Variants in FIGN observed in about 807,000 individuals in gnomAD.
The protein encoded by FIGN is fidgetin, microtubule severing factor, also known as fidgetin.
Under a neutral mutation model 51.3 loss-of-function variants are expected in FIGN, and 11 were observed. That is an observed-to-expected ratio of 0.21 (90% CI 0.13 to 0.35). FIGN has a LOEUF of 0.35. FIGN is among the 10% of genes least tolerant of loss of function. The pLI, the probability that FIGN is intolerant of heterozygous loss-of-function variation, is 1.00. For missense variants in FIGN, 857 were observed against 943.6 expected (o/e 0.91, Z 1.20); for synonymous variants, 407 against 363.2 (o/e 1.12, Z -1.37).
At chr2:163,644,138 G>T (rs1474828888) in intron 2 of FIGN, among the ~76,000 whole-genome samples, 2 of 151,778 alleles carry the variant, frequency 1.3e-5, no homozygotes, top group East Asian at 1.9e-4. Context: ...TCAAATGAAA[G>T]GTGGAAAGAC....
chr2:163,651,555 G>A (rs1683478198), intron 2 of FIGN, among the ~76,000 whole-genome samples: 1 of 152,204 alleles, frequency 6.6e-6, no homozygotes, highest in Non-Finnish European at 1.5e-5. Context: ...TTACAGAGCT[G>A]TGAGATTGTC....
intron 2 of FIGN, among the ~76,000 whole-genome samples, chr2:163,636,413 G>A (rs1306068933): frequency 1.3e-5 from 2 of 152,104 alleles, no homozygotes; most frequent in Admixed American, 1.3e-4. Context: ...AGCCTCCCGA[G>A]TAGCTGGTAT....
At chr2:163,701,453 G>C (rs1684405883) in intron 2 of FIGN, among the ~76,000 whole-genome samples, 1 of 152,288 alleles carries the variant, frequency 6.6e-6, no homozygotes, top group Middle Eastern at 3.4e-3. Context: ...AACTACCAAA[G>C]ATGAATGCCT....
At chr2:163,669,677 C>A (rs1045420960) in intron 2 of FIGN, among the ~76,000 whole-genome samples, 2 of 152,192 alleles carry the variant, frequency 1.3e-5, no homozygotes, top group South Asian at 2.1e-4. Flanking sequence ...ACAAATTCTA[C>A]GTCTTCAGTT....
intron 2 of FIGN, among the ~76,000 whole-genome samples, chr2:163,656,750 G>C (rs917626963): frequency 2.0e-5 from 3 of 152,174 alleles, no homozygotes; most frequent in Non-Finnish European, 2.9e-5. Context: ...CTATTTCAGA[G>C]GGTGGGAATG....
intron 2 of FIGN, among the ~76,000 whole-genome samples, chr2:163,648,655 C>T (rs1257231361): frequency 6.6e-6 from 1 of 152,134 alleles, no homozygotes; most frequent in Non-Finnish European, 1.5e-5. Context: ...TGTGAAAGGA[C>T]TAATGGCAAT....
At position 163,735,078 on chromosome 2, in the gene FIGN, T is replaced by A. The variant is rs1209422573; in HGVS notation, c.-145-6A>T. ...TCGTCAGGTATTCATTTAACCTACA[T>A]GCATATAATTAAGGGGGAAAGCAAC... is the stretch of plus-strand genomic sequence containing the variant. On this transcript the variant is annotated splice_region_variant and splice_polypyrimidine_tract_variant and intron_variant, in intron 1 of 2. Coordinates refer to ENST00000333129, the MANE Select transcript of FIGN (RefSeq NM_018086.4). 2 of 590,146 alleles carry A rather than the reference T, an allele frequency of 3.4e-6. No individual in the cohort carries two copies. Among genetic ancestry groups the A allele is most frequent in the African/African-American group, 3.9e-5 (2 of 51,580 alleles). 36.6% of individuals were successfully genotyped at this position (590,146 alleles called of 1,614,324 possible).
intron 2 of FIGN, among the ~76,000 whole-genome samples, chr2:163,727,933 C>T (rs1443390885): frequency 2.0e-5 from 3 of 152,120 alleles, no homozygotes; most frequent in African/African-American, 7.2e-5. Flanking sequence ...CAGCACAGAA[C>T]GTTGGTAAAG....
At chr2:163,676,183 CATA>C (rs1172826256) in intron 2 of FIGN, among the ~76,000 whole-genome samples, 1 of 151,452 alleles carries the variant, frequency 6.6e-6, no homozygotes, top group African/African-American at 2.4e-5. Context: ...AAATTCATTA[CATA>C]ATGTTTCTGA....
At chr2:163,662,163 G>A (rs1396540945) in intron 2 of FIGN, among the ~76,000 whole-genome samples, 1 of 152,150 alleles carries the variant, frequency 6.6e-6, no homozygotes. Context: ...TCCAGGCTGA[G>A]GTGGTCTCAG....
intron 2 of FIGN, among the ~76,000 whole-genome samples, chr2:163,709,301 T>C (rs1212751050): frequency 6.6e-6 from 1 of 152,126 alleles, no homozygotes; most frequent in Non-Finnish European, 1.5e-5. Flanking sequence ...TCCATGCCAG[T>C]TTTTTATGTA....
rs56195592 is a variant in FIGN at position 163,680,833 on chromosome 2, A to G, written c.25+54070T>C. 1.6e-3 allele frequency among the ~76,000 whole-genome samples: 241 copies of G among 152,022 alleles called. 1 individual carries two copies. Among genetic ancestry groups the G allele is most frequent in the African/African-American group, 5.6e-3 (232 of 41,464 alleles). Reference sequence around the variant, plus strand: ...CCTACATATATGTTCCCTTTTCATTAGATTCTGAGCTCCCTAACAGAAAGA... The same window carrying G: ...CCTACATATATGTTCCCTTTTCATTGGATTCTGAGCTCCCTAACAGAAAGA... On this transcript the variant is annotated intron_variant, in intron 2 of 2. Transcript: ENST00000333129.
Position 163,609,562 on chromosome 2 carries a change from C to T in FIGN, c.2270G>A (p.Cys757Tyr), listed in dbSNP as rs776699577. 6.2e-6 allele frequency: 10 copies of T among 1,605,802 alleles called. No homozygotes were observed. Among genetic ancestry groups the T allele is most frequent in the Non-Finnish European group, 8.5e-6 (10 of 1,174,674 alleles). ...TTTCTAAAGAAGTTATCACTGACTG[C>T]AACCAAACATTTTGTTCCATTCAAC... is the stretch of plus-strand genomic sequence containing the variant. ...MYVEWNKMFG[C>Y]SQ Residue 757 changes from cysteine (C) to tyrosine (Y), a missense_variant, in exon 3 of 3, where the codon TGC (cysteine) becomes TAC (tyrosine). Physicochemically the swap from Cys to Tyr is radical, Grantham distance 194 (BLOSUM62 -2). Coordinates refer to ENST00000333129, the MANE Select transcript of FIGN (RefSeq NM_018086.4).
chr2:163,697,058 A>G (rs1684331706), intron 2 of FIGN, among the ~76,000 whole-genome samples: 1 of 150,702 alleles, frequency 6.6e-6, no homozygotes, highest in Admixed American at 6.6e-5. Flanking sequence ...TCCCTGACAC[A>G]GCACTAAGCA....
At chr2:163,624,907 G>T (rs1683032123) in intron 2 of FIGN, among the ~76,000 whole-genome samples, 1 of 151,838 alleles carries the variant, frequency 6.6e-6, no homozygotes, top group Non-Finnish European at 1.5e-5. Flanking sequence ...TCCTAGCGCT[G>T]AATAGATTTT....
At chr2:163,670,125 A>C (rs1683852100) in intron 2 of FIGN, among the ~76,000 whole-genome samples, 1 of 152,218 alleles carries the variant, frequency 6.6e-6, no homozygotes, top group African/African-American at 2.4e-5. Context: ...AACTAGAGTG[A>C]TCTGCTTGGG....
At chr2:163,665,573 G>T (rs1248162905) in intron 2 of FIGN, among the ~76,000 whole-genome samples, 1 of 152,108 alleles carries the variant, frequency 6.6e-6, no homozygotes, top group Non-Finnish European at 1.5e-5. Context: ...TTTAGGGACA[G>T]ATCACACAAT....
intron 2 of FIGN, among the ~76,000 whole-genome samples, chr2:163,617,671 C>T (rs1358373411): frequency 1.3e-5 from 2 of 152,032 alleles, no homozygotes; most frequent in South Asian, 2.1e-4. Flanking sequence ...TTTTGTTTCA[C>T]GGTGAAAATT....
intron 2 of FIGN, among the ~76,000 whole-genome samples, chr2:163,718,843 G>A (rs925799338): frequency 6.6e-6 from 1 of 150,970 alleles, no homozygotes; most frequent in Admixed American, 6.6e-5. Context: ...GAGAGAGTGA[G>A]AGAGAGAGAG....
Sources: allele counts gnomAD v4.1 joint callset (sites outside exome capture counted in the v4.1 genomes callset), GRCh38; gene constraint gnomAD v4.1.1; transcripts MANE v1.5; gene names NCBI Gene and HGNC (gene_info 2026-07-23, HGNC 2026-07-21).